Variants in MECOM observed in about 807,000 individuals in gnomAD.
MECOM encodes histone-lysine N-methyltransferase MECOM.
A neutral mutation model predicts 116.3 loss-of-function variants in MECOM; 13 were observed. The ratio of observed to expected loss-of-function variants is 0.11; its 90% CI spans 0.07 to 0.18. The LOEUF (loss-of-function observed/expected upper bound fraction) is 0.18. MECOM is among the 10% of genes least tolerant of loss of function. The probability of loss-of-function intolerance (pLI) is 1.00; values close to 1 mark genes in which losing one functional copy is unlikely to be tolerated. For synonymous variants in MECOM, 528 were observed against 535.2 expected (o/e 0.99, Z 0.19); for missense variants, 1,299 against 1,509.0 (o/e 0.86, Z 2.31).
At chr3:169,625,293 C>T (rs1292306621) in intron 1 of MECOM, among the ~76,000 whole-genome samples, 1 of 151,878 alleles carries the variant, frequency 6.6e-6, no homozygotes, top group Non-Finnish European at 1.5e-5. Flanking sequence ...CTTTTTCTCC[C>T]ACCTCCTCCA....
At chr3:169,655,716 CA>C (rs1383806236) in intron 1 of MECOM, among the ~76,000 whole-genome samples, 4 of 151,738 alleles carry the variant, frequency 2.6e-5, no homozygotes, top group Non-Finnish European at 5.9e-5. Context: ...AGAAGACATA[CA>C]AAATGCTTAC....
intron 2 of MECOM, among the ~76,000 whole-genome samples, chr3:169,189,346 CT>C (rs1747210695): frequency 6.6e-6 from 1 of 151,996 alleles, no homozygotes; most frequent in South Asian, 2.1e-4. Flanking sequence ...AGTATCAATA[CT>C]TTCATTCAGC....
intron 1 of MECOM, among the ~76,000 whole-genome samples, chr3:169,412,351 T>A (rs545170285): frequency 8.2e-4 from 124 of 152,012 alleles, no homozygotes; most frequent in Non-Finnish European, 1.2e-3. Context: ...AAGTTTTTTT[T>A]AAATTTATTT....
intron 1 of MECOM, among the ~76,000 whole-genome samples, chr3:169,400,094 C>A (rs1038634872): frequency 6.6e-6 from 1 of 152,152 alleles, no homozygotes; most frequent in Non-Finnish European, 1.5e-5. Flanking sequence ...ATGATGCTTA[C>A]TTTATTACTT....
In MECOM at chr3:169,178,799, T is replaced by G. The variant is rs181060290; in HGVS notation, c.376-34967A>C. The stretch of plus-strand genomic sequence containing the variant: ...ATCCAATGTTTTATTGTTTTTCTCA[T>G]AACTCTAAAGACTACAAACCTTCTT... On this transcript the variant is annotated intron_variant, in intron 2 of 16. Transcript: ENST00000651503. Among the ~76,000 whole-genome samples, 7 of 152,342 alleles carry G rather than the reference T, an allele frequency of 4.6e-5. No individual in the cohort carries two copies. In the East Asian group the frequency reaches 1.3e-3, roughly 29 times the overall value.
chr3:169,181,174 C>A (rs1219635447), intron 2 of MECOM, among the ~76,000 whole-genome samples: 1 of 152,110 alleles, frequency 6.6e-6, no homozygotes, highest in Non-Finnish European at 1.5e-5. Flanking sequence ...GGCTAGTGAG[C>A]CAGTCAGTTT....
chr3:169,424,886 C>T (rs191027954), intron 1 of MECOM, among the ~76,000 whole-genome samples: 711 of 152,158 alleles, frequency 4.7e-3, no homozygotes, highest in Non-Finnish European at 7.7e-3. Flanking sequence ...TTATTACAGT[C>T]AAACAAGTGA....
intron 1 of MECOM, among the ~76,000 whole-genome samples, chr3:169,402,132 G>A (rs905078926): frequency 6.6e-6 from 1 of 152,178 alleles, no homozygotes; most frequent in African/African-American, 2.4e-5. Context: ...AGTAAAGAGA[G>A]TCCAATAAGG....
chr3:169,292,627 G>T (rs1405770915), intron 2 of MECOM, among the ~76,000 whole-genome samples: 3 of 152,126 alleles, frequency 2.0e-5, no homozygotes, highest in Non-Finnish European at 2.9e-5. Flanking sequence ...GCCCTGAAAA[G>T]GCTCACAGGG....
At chr3:169,458,559 G>T (rs1192223753) in intron 1 of MECOM, among the ~76,000 whole-genome samples, 1 of 152,146 alleles carries the variant, frequency 6.6e-6, no homozygotes, top group African/African-American at 2.4e-5. Context: ...AGAATATTCC[G>T]AACCATTTAT....
chr3:169,164,617 G>T (rs1426288895), intron 2 of MECOM, among the ~76,000 whole-genome samples: 1 of 152,026 alleles, frequency 6.6e-6, no homozygotes, highest in Non-Finnish European at 1.5e-5. Context: ...TTTTCACTTA[G>T]ATTTCCCTAA....
rs1724503206 is a variant in MECOM at position 169,341,445 on chromosome 3, A to C, written c.375+39742T>G. Among the ~76,000 whole-genome samples, 8 of 151,560 alleles carry C rather than the reference A, an allele frequency of 5.3e-5. No homozygotes were observed. The South Asian group carries it at 1.7e-3, about 31-fold the overall frequency. On this transcript the variant is annotated intron_variant, in intron 2 of 16. Transcript: ENST00000651503. ...GTTAATAGGTTCAAAAAAAAAAAAA[A>C]AAAAACACAGAAGGGGCCGAGCGCG...
intron 2 of MECOM, among the ~76,000 whole-genome samples, chr3:169,346,693 A>C (rs1430857943): frequency 6.6e-6 from 1 of 151,668 alleles, no homozygotes; most frequent in South Asian, 2.1e-4. Flanking sequence ...GCTTAACCTC[A>C]CTCTTACTAT....
chr3:169,586,229 T>C (rs1765756914), intron 1 of MECOM, among the ~76,000 whole-genome samples: 1 of 152,218 alleles, frequency 6.6e-6, no homozygotes, highest in Non-Finnish European at 1.5e-5. Flanking sequence ...ATAAAAACCA[T>C]AGAAGGTTAT....
At chr3:169,215,791 T>A (rs1391503840) in intron 2 of MECOM, among the ~76,000 whole-genome samples, 2 of 152,216 alleles carry the variant, frequency 1.3e-5, no homozygotes, top group Non-Finnish European at 2.9e-5. Context: ...ACAAAATCAA[T>A]TCAAGGGAAC....
chr3:169,230,975 A>T lies in MECOM; in HGVS notation c.376-87143T>A, dbSNP rs950632370. 2.6e-5 allele frequency among the ~76,000 whole-genome samples: 4 copies of T among 152,258 alleles called. No individual in the cohort carries two copies. The East Asian group carries it at 7.7e-4, about 29-fold the overall frequency. On this transcript the variant is annotated intron_variant, in intron 2 of 16. Coordinates refer to ENST00000651503, the MANE Select transcript of MECOM (RefSeq NM_004991.4). Reference sequence around the variant, plus strand: ...TAACTTTCACTTTTATTAACTTGCCATTCATAGACGTTTGTTTAAATACTC... The same window carrying T: ...TAACTTTCACTTTTATTAACTTGCCTTTCATAGACGTTTGTTTAAATACTC...
chr3:169,477,247 C>G (rs1750636390), intron 1 of MECOM, among the ~76,000 whole-genome samples: 1 of 150,248 alleles, frequency 6.7e-6, no homozygotes, highest in African/African-American at 2.5e-5. Context: ...GGCATCTACC[C>G]CTGTCAAAGG....
At chr3:169,360,369 A>T (rs1256334823) in intron 2 of MECOM, among the ~76,000 whole-genome samples, 2 of 150,192 alleles carry the variant, frequency 1.3e-5, no homozygotes, top group African/African-American at 4.9e-5. Flanking sequence ...AATTTTTGAC[A>T]TTTCTTATGG....
intron 1 of MECOM, among the ~76,000 whole-genome samples, chr3:169,392,414 A>C (rs1734357679): frequency 6.6e-6 from 1 of 152,208 alleles, no homozygotes; most frequent in Admixed American, 6.6e-5. Flanking sequence ...CTAGCATTAA[A>C]AGAGGAATTC....
Sources: gnomAD v4.1 joint callset for allele counts (sites outside exome capture counted in the v4.1 genomes callset) on GRCh38, gnomAD v4.1.1 for gene constraint, MANE v1.5 for transcripts, NCBI Gene and HGNC (gene_info 2026-07-23, HGNC 2026-07-21) for gene names.